The following USP46 variants were observed in gnomAD, a reference collection of about 807,000 sequenced individuals.
The protein encoded by USP46 is ubiquitin carboxyl-terminal hydrolase 46.
In USP46, 12 loss-of-function variants were observed where a neutral mutation model predicts 44.4. The observed-to-expected ratio is 0.27, with a 90% CI of 0.17 to 0.44. The LOEUF (loss-of-function observed/expected upper bound fraction) is 0.44, where lower values mean the gene tolerates loss of function less well. USP46 is among the 20% of genes least tolerant of loss of function. The pLI is 1.00. For synonymous variants in USP46, 155 were observed against 161.5 expected, an observed-to-expected ratio of 0.96 and a Z score of 0.31; for missense variants, 248 against 444.8, an observed-to-expected ratio of 0.56 and a Z score of 3.98.
intron 4 of USP46, among the ~76,000 whole-genome samples, chr4:52,611,827 G>A (rs1716941855): frequency 6.6e-6 from 1 of 152,128 alleles, no homozygotes; most frequent in South Asian, 2.1e-4. Context: ...TGAGGCAGAG[G>A]TTGCAGTGAG....
intron 4 of USP46, among the ~76,000 whole-genome samples, chr4:52,619,559 C>T (rs934984516): frequency 2.6e-4 from 40 of 152,188 alleles, no homozygotes; most frequent in Non-Finnish European, 5.1e-4. Flanking sequence ...AAAGAGGCTC[C>T]CTGTTTTTCA....
chr4:52,626,367 G>T, intron 3 of USP46, 120 bp from the exon 4 acceptor site: 2 of 813,498 alleles, frequency 2.5e-6, no homozygotes, highest in Non-Finnish European at 3.8e-6. Context: ...TGTGTCGCCA[G>T]GCTAGAGCGT....
intron 3 of USP46, 144 bp downstream of exon 3, chr4:52,627,806 G>T: frequency 1.1e-6 from 1 of 936,070 alleles, no homozygotes; most frequent in Non-Finnish European, 1.6e-6. Flanking sequence ...AAGAAATGTT[G>T]TTTCTTAAAA....
chr4:52,615,531 G>T (rs1717100299), intron 4 of USP46, among the ~76,000 whole-genome samples: 1 of 152,076 alleles, frequency 6.6e-6, no homozygotes, highest in Admixed American at 6.6e-5. Context: ...CATGAAGCTG[G>T]AACACTATTT....
At chr4:52,630,931 A>T in intron 2 of USP46, 133 bp downstream of exon 2, 1 of 722,190 alleles carries the variant, frequency 1.4e-6, no homozygotes, top group Non-Finnish European at 2.3e-6. Context: ...CTTTCTCCCC[A>T]ATATTGGCAT....
At position 52,659,262 on chromosome 4, in the gene USP46, C is replaced by G. The variant is rs1719084376; in HGVS notation, c.-112G>C. 1 of 1,288,506 alleles carries G rather than the reference C, an allele frequency of 7.8e-7. No individual in the cohort carries two copies. Among genetic ancestry groups the G allele is most frequent in the Non-Finnish European group, 1.0e-6 (1 of 970,578 alleles). The allele number at this position is 1,288,506 out of a possible 1,614,324, so 79.8% of individuals were successfully genotyped here. On this transcript the variant is annotated 5_prime_UTR_variant, in exon 1 of 9. Coordinates refer to ENST00000441222, the MANE Select transcript of USP46 (RefSeq NM_022832.4). The surrounding 1 kb of genome is among the most constrained non-coding windows in gnomAD (Gnocchi z 4.2). ...GGGCGGCAGCGCGGCGGCCTGGGGT[C>G]CGGCTTTCAGTTTGGCTGGGAGAGG... is the stretch of plus-strand genomic sequence containing the variant.
chr4:52,600,962 T>C (rs530338228), intron 7 of USP46, among the ~76,000 whole-genome samples: 6 of 152,308 alleles, frequency 3.9e-5, no homozygotes, highest in African/African-American at 1.4e-4. Flanking sequence ...GGATAAAATA[T>C]GGGGTGCTTC....
At chr4:52,654,679 C>T (rs1718889061) in intron 1 of USP46, among the ~76,000 whole-genome samples, 1 of 152,124 alleles carries the variant, frequency 6.6e-6, no homozygotes, top group African/African-American at 2.4e-5. Context: ...TACCAGTGAG[C>T]CACCATGCCC....
At chr4:52,632,985 AAAAGAAAAGAAAGAAAGAAAGAAAG>A (rs201381469) in intron 1 of USP46, among the ~76,000 whole-genome samples, 1,585 of 52,760 alleles carry the variant, frequency 0.03, 72 homozygotes, top group African/African-American at 0.047. Context: ...AGAAAGAAAG[AAAAGAAAAGAAAGAAAGAAAGAAAG>A]AAAGAAAGAA....
intron 6 of USP46, 110 bp downstream of exon 6, chr4:52,604,391 T>C: frequency 2.3e-6 from 2 of 856,282 alleles, no homozygotes; most frequent in South Asian, 1.7e-5. Context: ...CAAGGCTCCA[T>C]GGCTACAAGC....
chr4:52,635,450 A>T (rs1718075912), intron 1 of USP46, among the ~76,000 whole-genome samples: 1 of 152,184 alleles, frequency 6.6e-6, no homozygotes, highest in Admixed American at 6.5e-5. Flanking sequence ...GGGTTTCTCC[A>T]GTGCATTCAC....
chr4:52,626,075 G>A lies in USP46; in HGVS notation c.504C>T (p.Val168=). The change falls in exon 4 of 9, where the codon GTC becomes GTT. Residue 168 remains valine (V), a synonymous_variant. Transcript: ENST00000441222. ...AENNKPELTW[V]HEIFQGTLTN... is the part of the protein sequence containing the mutation. ...TAAGCGTTCCCTGAAAAATCTCATG[G>A]ACCCAGGTGAGTTCTGGTTTATTAT... 2.5e-6 allele frequency: 4 copies of A among 1,613,916 alleles called. No homozygotes were observed. The South Asian group carries it at 4.4e-5, about 18-fold the overall frequency.
At chr4:52,645,843 G>A (rs146971401) in intron 1 of USP46, among the ~76,000 whole-genome samples, 22 of 152,150 alleles carry the variant, frequency 1.4e-4, no homozygotes, top group Non-Finnish European at 2.6e-4. Flanking sequence ...CTTTCCCCTC[G>A]CTGTTCTCAT....
intron 3 of USP46, among the ~76,000 whole-genome samples, chr4:52,627,389 C>T (rs541387133): frequency 4.6e-5 from 7 of 152,258 alleles, no homozygotes; most frequent in Non-Finnish European, 7.4e-5. Context: ...GGAATACACA[C>T]CTAGTTTCTA....
chr4:52,610,129 T>C (rs900664418), intron 5 of USP46, among the ~76,000 whole-genome samples: 1 of 151,088 alleles, frequency 6.6e-6, no homozygotes, highest in Non-Finnish European at 1.5e-5. Flanking sequence ...TTTCACCGTG[T>C]TAGCCAGGAT....
intron 1 of USP46, among the ~76,000 whole-genome samples, chr4:52,632,849 AAAGACAAGAG>A (rs1384118364): frequency 6.7e-6 from 1 of 150,226 alleles, no homozygotes; most frequent in African/African-American, 2.5e-5. Flanking sequence ...AAAAAAAAGA[AAAGACAAGAG>A]AAGACAAGAC....
Position 52,632,904 on chromosome 4 carries a change from G to A in USP46, c.37-1760C>T, listed in dbSNP as rs544390109. 4.9e-3 allele frequency among the ~76,000 whole-genome samples: 425 copies of A among 86,918 alleles called. 9 individuals are homozygous for A. Among genetic ancestry groups the A allele is most frequent in the African/African-American group, 0.017 (399 of 23,908 alleles). The allele number at this position is 86,918 out of a possible 152,430, so 57.0% of individuals were successfully genotyped here. On this transcript the variant is annotated intron_variant, in intron 1 of 8. Coordinates refer to ENST00000441222, the MANE Select transcript of USP46 (RefSeq NM_022832.4). Reference sequence around the variant, plus strand: ...AAAGGAAGGAAGGAAGGAAGGGAAAGAGAAAGAAAGAAAGAGAAAGAAAGA... The same window carrying A: ...AAAGGAAGGAAGGAAGGAAGGGAAAAAGAAAGAAAGAAAGAGAAAGAAAGA...
intron 1 of USP46, among the ~76,000 whole-genome samples, chr4:52,645,238 A>G (rs1331553650): frequency 1.3e-5 from 2 of 151,814 alleles, no homozygotes; most frequent in Admixed American, 6.6e-5. Context: ...AAAAAAAAAA[A>G]AAAAAGAAAA....
At chr4:52,650,508 G>C (rs188135856) in intron 1 of USP46, among the ~76,000 whole-genome samples, 87 of 152,302 alleles carry the variant, frequency 5.7e-4, no homozygotes, top group Non-Finnish European at 9.4e-4. Context: ...TTGAGTTAGT[G>C]TCTGTTTTTA....
Sources: allele counts gnomAD v4.1 joint callset (sites outside exome capture counted in the v4.1 genomes callset), GRCh38; gene constraint gnomAD v4.1.1; non-coding constraint Gnocchi (gnomAD v3.1); transcripts MANE v1.5; gene names NCBI Gene and HGNC (gene_info 2026-07-23, HGNC 2026-07-21).